The following CCDC178 variants were observed in gnomAD, a reference collection of about 807,000 sequenced individuals.
CCDC178 encodes the protein coiled-coil domain-containing protein 178.
CCDC178 carries 126 observed loss-of-function variants against 117.4 expected under a neutral mutation model. The ratio of observed to expected loss-of-function variants is 1.07; its 90% confidence interval spans 0.93 to 1.24. CCDC178 has a LOEUF of 1.24. CCDC178 is among the 50% of genes most tolerant of loss of function. The probability of loss-of-function intolerance (pLI) is 0.00; values close to 1 mark genes in which losing one functional copy is unlikely to be tolerated. For synonymous variants in CCDC178, 283 were observed against 313.4 expected (o/e 0.90, Z 1.02); for missense variants, 1,030 against 986.9 (o/e 1.04, Z -0.59).
At chr18:33,019,196 A>G (rs1168971875) in intron 21 of CCDC178, among the ~76,000 whole-genome samples, 1 of 152,214 alleles carries the variant, frequency 6.6e-6, no homozygotes, top group Non-Finnish European at 1.5e-5. Flanking sequence ...TTAAAAATAA[A>G]TGAATGAATA....
rs2054152877 is a variant in CCDC178 at position 32,937,856 on chromosome 18, G to A, written c.*155C>T. Reference sequence around the variant, plus strand: ...TTTCATTGTTATGGATTTGCTGTGAGTAAAAGAGTGGCAAAGCATGCTGGG... The same window carrying A: ...TTTCATTGTTATGGATTTGCTGTGAATAAAAGAGTGGCAAAGCATGCTGGG... On this transcript the variant is annotated 3_prime_UTR_variant, in exon 23 of 23. Transcript: ENST00000383096. 1 of 626,048 alleles carries A rather than the reference G, an allele frequency of 1.6e-6. No homozygotes were observed. Among genetic ancestry groups the A allele is most frequent in the East Asian group, 2.8e-5 (1 of 36,236 alleles). The allele number at this position is 626,048 out of a possible 1,614,324, so 38.8% of individuals were successfully genotyped here.
chr18:33,235,148 A>C (rs2059412603), intron 15 of CCDC178, among the ~76,000 whole-genome samples: 1 of 152,144 alleles, frequency 6.6e-6, no homozygotes, highest in Non-Finnish European at 1.5e-5. Context: ...GAACATAAAG[A>C]ACAGTTTGAG....
At chr18:33,234,858 A>T (rs1736628350) in intron 15 of CCDC178, among the ~76,000 whole-genome samples, 1 of 152,174 alleles carries the variant, frequency 6.6e-6, no homozygotes, top group South Asian at 2.1e-4. Flanking sequence ...ATCCTTTGGG[A>T]TAAAAATTAA....
intron 6 of CCDC178, among the ~76,000 whole-genome samples, chr18:33,360,534 A>T (rs2063111149): frequency 6.6e-6 from 1 of 151,574 alleles, no homozygotes; most frequent in Non-Finnish European, 1.5e-5. Flanking sequence ...TCCAGAATAG[A>T]TATAGCTATC....
intron 20 of CCDC178, among the ~76,000 whole-genome samples, chr18:33,130,828 C>A (rs1489880544): frequency 6.6e-6 from 1 of 151,884 alleles, no homozygotes; most frequent in East Asian, 1.9e-4. Flanking sequence ...CTCTTCAATA[C>A]GTTTTCTAGA....
At chr18:33,268,039 GAAAAGGAT>G (rs2059839841) in intron 12 of CCDC178, among the ~76,000 whole-genome samples, 1 of 151,652 alleles carries the variant, frequency 6.6e-6, no homozygotes, top group Non-Finnish European at 1.5e-5. Context: ...AGTTTCACAT[GAAAAGGAT>G]GATTTGTTAC....
At chr18:33,051,253 C>A (rs2056742781) in intron 21 of CCDC178, among the ~76,000 whole-genome samples, 1 of 151,926 alleles carries the variant, frequency 6.6e-6, no homozygotes, top group Non-Finnish European at 1.5e-5. Context: ...TTATTAGAAA[C>A]AAAGTTACAG....
intron 8 of CCDC178, among the ~76,000 whole-genome samples, chr18:33,347,242 C>A (rs1473822300): frequency 2.6e-5 from 4 of 151,970 alleles, no homozygotes; most frequent in South Asian, 4.2e-4. Context: ...AGAACTGAGG[C>A]TAGAGGAAAA....
At chr18:33,311,097 A>G (rs769560570) in intron 11 of CCDC178, among the ~76,000 whole-genome samples, 1 of 152,216 alleles carries the variant, frequency 6.6e-6, no homozygotes, top group Non-Finnish European at 1.5e-5. Flanking sequence ...TTGAAGTATT[A>G]TAAGATTCAT....
intron 20 of CCDC178, among the ~76,000 whole-genome samples, chr18:33,142,390 T>C (rs2058217744): frequency 6.6e-6 from 1 of 152,188 alleles, no homozygotes; most frequent in Admixed American, 6.5e-5. Flanking sequence ...TGTCATTCTA[T>C]GCCACTGTGG....
chr18:32,983,555 AG>A (rs1356753481), intron 21 of CCDC178, among the ~76,000 whole-genome samples: 2 of 152,108 alleles, frequency 1.3e-5, no homozygotes, highest in Admixed American at 6.5e-5. Context: ...TCATATTTAA[AG>A]CTTTGACAAA....
At chr18:33,308,743 T>G (rs1177246392) in intron 11 of CCDC178, among the ~76,000 whole-genome samples, 2 of 152,172 alleles carry the variant, frequency 1.3e-5, no homozygotes, top group Non-Finnish European at 2.9e-5. Flanking sequence ...ATTCTCATGA[T>G]AGCGAGTAAG....
At chr18:33,213,561 T>C (rs1042265552) in intron 19 of CCDC178, among the ~76,000 whole-genome samples, 2 of 151,986 alleles carry the variant, frequency 1.3e-5, no homozygotes, top group African/African-American at 4.8e-5. Context: ...AACATTGATA[T>C]ATTTTGACCA....
intron 10 of CCDC178, among the ~76,000 whole-genome samples, chr18:33,328,291 C>T (rs1257158220): frequency 2.0e-5 from 3 of 151,844 alleles, no homozygotes; most frequent in Non-Finnish European, 4.4e-5. Context: ...TTAGTAGAAA[C>T]GGGGTTTCAC....
chr18:33,227,102 TA>T, intron 15 of CCDC178, among the ~76,000 whole-genome samples: 1 of 152,148 alleles, frequency 6.6e-6, no homozygotes, highest in South Asian at 2.1e-4. Flanking sequence ...GTCCTAAACT[TA>T]AAAAATCAAA....
chr18:33,311,349 T>C (rs559551866), intron 11 of CCDC178, among the ~76,000 whole-genome samples: 6 of 152,142 alleles, frequency 3.9e-5, no homozygotes, highest in African/African-American at 1.2e-4. Flanking sequence ...TCAAGACTAG[T>C]AGACCTGGCC....
chr18:33,196,577 T>C (rs2058932592), intron 20 of CCDC178, among the ~76,000 whole-genome samples: 1 of 152,096 alleles, frequency 6.6e-6, no homozygotes. Flanking sequence ...GTGAGGGCAG[T>C]CTGGTGGGGA....
At chr18:32,980,444 G>A (rs1245653673) in intron 21 of CCDC178, among the ~76,000 whole-genome samples, 1 of 151,668 alleles carries the variant, frequency 6.6e-6, no homozygotes, top group African/African-American at 2.4e-5. Flanking sequence ...AGTGGCGGGC[G>A]CCTGTAGTCC....
chr18:33,010,383 C>T (rs2055840007), intron 21 of CCDC178, among the ~76,000 whole-genome samples: 1 of 152,164 alleles, frequency 6.6e-6, no homozygotes, highest in Non-Finnish European at 1.5e-5. Context: ...GTCACTGTCA[C>T]CATTGTCAAA....
Sources: gnomAD v4.1 joint callset for allele counts (sites outside exome capture counted in the v4.1 genomes callset) on GRCh38, gnomAD v4.1.1 for gene constraint, MANE v1.5 for transcripts, NCBI Gene and HGNC (gene_info 2026-07-23, HGNC 2026-07-21) for gene names.